GCC1: variants seen among roughly 807,000 people sequenced by gnomAD.
GCC1 encodes GRIP and coiled-coil domain-containing protein 1.
GCC1 carries 36 observed loss-of-function variants against 62.5 expected under a neutral mutation model. The ratio of observed to expected loss-of-function variants is 0.58; its 90% CI spans 0.44 to 0.76. GCC1 has a LOEUF of 0.76. GCC1 is among the 30% of genes least tolerant of loss of function. The pLI is 0.00. For missense variants in GCC1, 885 were observed against 948.3 expected (o/e 0.93, Z 0.88); for synonymous variants, 391 against 386.8 (o/e 1.01, Z -0.13).
Position 127,582,606 on chromosome 7 carries a change from A to G in GCC1, c.1736T>C (p.Leu579Pro), listed in dbSNP as rs1328144386. The G allele has an allele frequency of 1.9e-6, 3 of 1,612,456 alleles. No homozygotes were observed. In the African/African-American group the frequency reaches 4.0e-5, roughly 22 times the overall value. The change falls in exon 2 of 2, where the codon CTG becomes CCG. Residue 579 changes from leucine (L) to proline (P), a missense_variant. Coordinates refer to ENST00000321407, the MANE Select transcript of GCC1 (RefSeq NM_024523.6). The surrounding 1 kb of genome is among the most constrained non-coding windows in gnomAD (Gnocchi z 4.8). ...CTTGTGCAGCTCCTCCTCCAGTTTC[A>G]GTGTGCGGTCCCTGAAGTCCAGCTG... ...RCQLDFRDRT[L>P]KLEEELHKQR... is the part of the protein sequence containing the mutation.
rs750925737 is a variant in GCC1 at position 127,582,446 on chromosome 7, G to T, written c.1896C>A (p.Asp632Glu). The T allele has an allele frequency of 5.0e-6, 8 of 1,613,996 alleles. No individual in the cohort carries two copies. Among genetic ancestry groups the T allele is most frequent in the Admixed American group, 1.7e-5 (1 of 60,002 alleles). Reference sequence around the variant, plus strand: ...GGGTCAGGCTATCAGAGGATGATGTGTCAGCTGGGTCCCCAGGACCGCCAC... The same window carrying T: ...GGGTCAGGCTATCAGAGGATGATGTTTCAGCTGGGTCCCCAGGACCGCCAC... Reference protein sequence around the residue: ...VGGGGPGDPADTSSSDSLTQA... With the variant: ...VGGGGPGDPAETSSSDSLTQA... Residue 632 changes from aspartate (D) to glutamate (E), a missense_variant, in exon 2 of 2, where the codon GAC (aspartate) becomes GAA (glutamate). Physicochemically the swap from Asp to Glu is conservative, Grantham distance 45. Transcript: ENST00000321407. The surrounding 1 kb of genome is among the most constrained non-coding windows in gnomAD (Gnocchi z 4.8).
rs1410872113 is a variant in GCC1 at position 127,582,309 on chromosome 7, T to C, written c.2033A>G (p.Glu678Gly). The change falls in exon 2 of 2, where the codon GAG (glutamate) becomes GGG (glycine). Residue 678 changes from glutamate (E) to glycine (G), a missense_variant. Physicochemically the swap from Glu to Gly is moderately conservative, Grantham distance 98. Coordinates refer to ENST00000321407, the MANE Select transcript of GCC1 (RefSeq NM_024523.6). This position sits in a 1 kb window ranked among gnomAD's most constrained non-coding sequence, Gnocchi z 4.8. ...ATCCTGCAGCTGATGCACCTCGACCTCCAGCCTGTGCTTCTGCTTCCTCAG... is the reference window on the plus strand; with the variant it reads ...ATCCTGCAGCTGATGCACCTCGACCCCCAGCCTGTGCTTCTGCTTCCTCAG... ...TSLRKQKHRL[E>G]VEVHQLQDRL... is the part of the protein sequence containing the mutation. 6.2e-7 allele frequency: 1 copy of C among 1,614,118 alleles called. No homozygotes were observed.
chr7:127,584,708 G>A lies in GCC1; in HGVS notation c.475C>T (p.His159Tyr), dbSNP rs151303849. ...FAGGEVDKRLHQLKTQLATLT... is the reference protein window; with the variant it reads ...FAGGEVDKRLYQLKTQLATLT... The stretch of plus-strand genomic sequence containing the variant: ...GTAGCCAACTGAGTCTTCAGCTGGT[G>A]CAGTCTTTTGTCCACCTCCCCACCT... The change falls in exon 1 of 2, where the codon CAC becomes TAC. Residue 159 changes from histidine to tyrosine, a missense_variant. His to Tyr is a moderately conservative substitution (Grantham distance 83). Coordinates refer to ENST00000321407, the MANE Select transcript of GCC1 (RefSeq NM_024523.6). The A allele has an allele frequency of 4.3e-6, 7 of 1,614,070 alleles. No homozygotes were observed. In the African/African-American group the frequency reaches 5.3e-5, roughly 12 times the overall value.
rs1461070720 is a variant in GCC1, at chr7:127,582,009, T to C, written c.*5A>G. On this transcript the variant is annotated 3_prime_UTR_variant, in exon 2 of 2. Coordinates refer to ENST00000321407, the MANE Select transcript of GCC1 (RefSeq NM_024523.6). This position sits in a 1 kb window ranked among gnomAD's most constrained non-coding sequence, Gnocchi z 4.8. ...CAGAAATTCCAGGAATTCATGAAAA[T>C]GGCATCATCTCTTGCCAGAAGGCCA... 3.1e-6 allele frequency: 5 copies of C among 1,597,336 alleles called. No individual in the cohort carries two copies. The highest frequency in any genetic ancestry group is 2.2e-5 in the East Asian group (1 of 44,550).
In GCC1 at chr7:127,584,880, C is replaced by A. The variant is rs1794181235; in HGVS notation, c.303G>T (p.Leu101Phe). ...SEDSTGTATSLDTAASLTSTK... is the reference protein window; with the variant it reads ...SEDSTGTATSFDTAASLTSTK... ...TGCTGGTGAGACTGGCCGCAGTATC[C>A]AAGCTAGTGGCGGTCCCAGTGCTAT... The change falls in exon 1 of 2, where the codon TTG becomes TTT. Residue 101 changes from leucine (L) to phenylalanine (F), a missense_variant. By Grantham distance (22) the Leu-to-Phe change is conservative. Transcript: ENST00000321407. 6 of 1,614,138 alleles carry A rather than the reference C, an allele frequency of 3.7e-6. No homozygotes were observed. Among genetic ancestry groups the A allele is most frequent in the Non-Finnish European group, 5.1e-6 (6 of 1,180,030 alleles).
intron 1 of GCC1, among the ~76,000 whole-genome samples, 158 bp downstream of exon 1, chr7:127,583,993 A>G (rs1429498942): frequency 6.6e-6 from 1 of 152,226 alleles, no homozygotes; most frequent in African/African-American, 2.4e-5. Context: ...TCAACACCGC[A>G]TAGAACAGGA....
At chr7:127,583,944 T>C (rs1469854412) in intron 1 of GCC1, among the ~76,000 whole-genome samples, 5 of 152,182 alleles carry the variant, frequency 3.3e-5, no homozygotes, top group Non-Finnish European at 7.4e-5. Context: ...CAACCCAGCC[T>C]ACACTGAGAA....
chr7:127,584,664 A>G lies in GCC1; in HGVS notation c.519T>C (p.Ala173=), dbSNP rs1374850729. The change falls in exon 1 of 2, where the codon GCT becomes GCC. Residue 173 remains alanine (A), a synonymous_variant. Coordinates refer to ENST00000321407, the MANE Select transcript of GCC1 (RefSeq NM_024523.6). ...TQLATLTSSL[A]TVTQEKSRME... The stretch of plus-strand genomic sequence containing the variant: ...TGCGGGACTTCTCCTGAGTGACTGT[A>G]GCCAAAGAACTGGTCAAAGTAGCCA... The G allele has an allele frequency of 5.6e-6, 9 of 1,614,078 alleles. No homozygotes were observed. The highest frequency in any genetic ancestry group is 2.2e-5 in the East Asian group (1 of 44,898).
Position 127,585,030 on chromosome 7 carries a change from T to C in GCC1, c.153A>G (p.Ala51=). The part of the protein sequence containing the change: ...AYKSLLKEKE[A]LEASIKVLSV... ...ACAGCACCTTGATGCTGGCCTCTAA[T>C]GCCTCTTTCTCCTTCAGCAGGCTTT... is the stretch of plus-strand genomic sequence containing the variant. Residue 51 remains alanine (A), a synonymous_variant, in exon 1 of 2, where the codon GCA becomes GCG. Transcript: ENST00000321407. 6.2e-7 allele frequency: 1 copy of C among 1,614,234 alleles called. No homozygotes were observed. The highest frequency in any genetic ancestry group is 8.5e-7 in the Non-Finnish European group (1 of 1,180,038).
chr7:127,585,249 G>A lies in GCC1; in HGVS notation c.-67C>T. On this transcript the variant is annotated 5_prime_UTR_variant, in exon 1 of 2. Transcript: ENST00000321407. ...AACGGGAGAGGGCCGTGAAGACGCA[G>A]GCGGGGGCTTAAAGAAACAGCGAGC... is the stretch of plus-strand genomic sequence containing the variant. 2.8e-6 allele frequency: 4 copies of A among 1,445,798 alleles called. No homozygotes were observed. Among genetic ancestry groups the A allele is most frequent in the Non-Finnish European group, 3.7e-6 (4 of 1,076,892 alleles). The allele number at this position is 1,445,798 out of a possible 1,614,324, so 89.6% of individuals were successfully genotyped here.
chr7:127,584,299 A>G lies in GCC1; in HGVS notation c.884T>C (p.Leu295Pro), dbSNP rs751012190. The G allele has an allele frequency of 6.2e-7, 1 of 1,613,646 alleles. No homozygotes were observed. The highest frequency in any genetic ancestry group is 1.1e-5 in the South Asian group (1 of 91,048). Residue 295 changes from leucine to proline, a missense_variant, in exon 1 of 2, where the codon CTG (leucine) becomes CCG (proline). Transcript: ENST00000321407. ...MEGFELQTKQ[L>P]TREVEELKSE... ...TTTCAGCTCCTCCACCTCACGGGTC[A>G]GCTGCTTGGTCTGCAGTTCAAATCC...
Position 127,584,875 on chromosome 7 carries a change from G to A in GCC1, c.308C>T (p.Thr103Ile), listed in dbSNP as rs780602930. Residue 103 changes from threonine (T) to isoleucine (I), a missense_variant, in exon 1 of 2, where the codon ACT becomes ATT. Thr to Ile is a moderately conservative substitution (Grantham distance 89, BLOSUM62 -1). Coordinates refer to ENST00000321407, the MANE Select transcript of GCC1 (RefSeq NM_024523.6). ...CTTGGTGCTGGTGAGACTGGCCGCA[G>A]TATCCAAGCTAGTGGCGGTCCCAGT... ...DSTGTATSLD[T>I]AASLTSTKGE... The A allele has an allele frequency of 3.1e-6, 5 of 1,614,078 alleles. No homozygotes were observed. The highest frequency in any genetic ancestry group is 2.5e-6 in the Non-Finnish European group (3 of 1,180,050).
Position 127,584,781 on chromosome 7 carries a change from A to G in GCC1, c.402T>C (p.Ser134=), listed in dbSNP as rs776234489. The G allele has an allele frequency of 6.2e-7, 1 of 1,614,156 alleles. No individual in the cohort carries two copies. Among genetic ancestry groups the G allele is most frequent in the Non-Finnish European group, 8.5e-7 (1 of 1,180,022 alleles). Residue 134 remains serine, a synonymous_variant, in exon 1 of 2, where the codon AGT becomes AGC. Coordinates refer to ENST00000321407, the MANE Select transcript of GCC1 (RefSeq NM_024523.6). ...GPPPPKSEEA[S]WSESGVSSSS... is the part of the protein sequence containing the mutation. ...TACTGCTAACGCCACTCTCGGACCA[A>G]CTGGCCTCTTCGGACTTTGGAGGTG...
rs374425012 is a variant in GCC1, at chr7:127,582,476, C to A, written c.1866G>T (p.Val622=). Residue 622 remains valine, a synonymous_variant, in exon 2 of 2, where the codon GTG becomes GTT. Transcript: ENST00000321407. This position sits in a 1 kb window ranked among gnomAD's most constrained non-coding sequence, Gnocchi z 4.8. The part of the protein sequence containing the change: ...ASGLPGRRSP[V]GGGGPGDPAD... Reference sequence around the variant, plus strand: ...CTGGGTCCCCAGGACCGCCACCACCCACAGGACTTCTGCGTCCTGGCAGCC... The same window carrying A: ...CTGGGTCCCCAGGACCGCCACCACCAACAGGACTTCTGCGTCCTGGCAGCC... 13 of 1,613,956 alleles carry A rather than the reference C, an allele frequency of 8.1e-6. No individual in the cohort carries two copies. Among genetic ancestry groups the A allele is most frequent in the Non-Finnish European group, 1.1e-5 (13 of 1,180,040 alleles).
intron 1 of GCC1, among the ~76,000 whole-genome samples, chr7:127,583,895 T>G (rs1035135474): frequency 2.0e-5 from 3 of 152,166 alleles, no homozygotes; most frequent in Non-Finnish European, 4.4e-5. Context: ...GCACAGCTGG[T>G]AAGATGCCAA....
rs756695662 is a variant in GCC1 at position 127,582,097 on chromosome 7, TAGTC to T, written c.2241_2244del (p.Thr748SerfsTer11). The T allele has an allele frequency of 1.2e-6, 2 of 1,614,084 alleles. No individual in the cohort carries two copies. The highest frequency in any genetic ancestry group is 1.3e-5 in the African/African-American group (1 of 74,944). ...TTCTCCTCTGGACTGAAGTGCAAGA[TAGTC>T]AGTATGGCTGTGAGAGTCTGCTGGC... is the stretch of plus-strand genomic sequence containing the variant. On this transcript the variant is annotated frameshift_variant, in exon 2 of 2. Transcript: ENST00000321407. LOFTEE classifies it high-confidence loss of function. The surrounding 1 kb of genome is among the most constrained non-coding windows in gnomAD (Gnocchi z 4.8).
Position 127,584,138 on chromosome 7 carries a change from T to C in GCC1, c.1032+13A>G, listed in dbSNP as rs1282692535. On this transcript the variant is annotated intron_variant, in intron 1 of 1. Transcript: ENST00000321407. ...GTCAATGGCTGATGTTTGAAAGAGA[T>C]ATGGATAATTACCTTTCTCATTTCC... 3 of 1,606,974 alleles carry C rather than the reference T, an allele frequency of 1.9e-6. No individual in the cohort carries two copies. The highest frequency in any genetic ancestry group is 1.1e-5 in the South Asian group (1 of 90,840).
intron 1 of GCC1, among the ~76,000 whole-genome samples, 160 bp downstream of exon 1, chr7:127,583,991 G>A (rs573670806): frequency 3.9e-5 from 6 of 152,278 alleles, no homozygotes; most frequent in East Asian, 1.9e-4. Context: ...TGTCAACACC[G>A]CATAGAACAG....
chr7:127,582,831 T>A lies in GCC1; in HGVS notation c.1511A>T (p.Lys504Ile). 6.2e-7 allele frequency: 1 copy of A among 1,614,218 alleles called. No individual in the cohort carries two copies. The highest frequency in any genetic ancestry group is 8.5e-7 in the Non-Finnish European group (1 of 1,180,034). ...GTTACCATCTTTGGTATTCTTGCTT[T>A]TGAGGACAACCTGGGCTCTCATCTT... ...RYKMRAQVVL[K>I]SKNTKDGNLG... The change falls in exon 2 of 2, where the codon AAA (lysine) becomes ATA (isoleucine). Residue 504 changes from lysine (K) to isoleucine (I), a missense_variant. By Grantham distance (102) the Lys-to-Ile change is moderately radical. Coordinates refer to ENST00000321407, the MANE Select transcript of GCC1 (RefSeq NM_024523.6). The surrounding 1 kb of genome is among the most constrained non-coding windows in gnomAD (Gnocchi z 4.8).
Sources: allele counts gnomAD v4.1 joint callset (sites outside exome capture counted in the v4.1 genomes callset), GRCh38; gene constraint gnomAD v4.1.1; non-coding constraint Gnocchi (gnomAD v3.1); transcripts MANE v1.5; gene names NCBI Gene and HGNC (gene_info 2026-07-23, HGNC 2026-07-21).